Variants in DEFB119 observed in about 807,000 individuals in gnomAD.
The protein encoded by DEFB119 is beta-defensin 119.
Under a neutral mutation model 2.5 loss-of-function variants are expected in DEFB119, and 3 were observed. The ratio of observed to expected loss-of-function variants is 1.19; its 90% CI spans 0.54 to 3.07. The LOEUF (loss-of-function observed/expected upper bound fraction) is 3.07. DEFB119 is among the 30% of genes most tolerant of loss of function. The pLI is 0.03. For synonymous variants in DEFB119, 29 were observed against 33.7 expected, an observed-to-expected ratio of 0.86 and a Z score of 0.48; for missense variants, 113 against 101.1, an observed-to-expected ratio of 1.12 and a Z score of -0.50.
At position 31,385,351 on chromosome 20, in the gene DEFB119, G is replaced by T. The variant is rs1427162854; in HGVS notation, c.61+5072C>A. Among the ~76,000 whole-genome samples, 6 of 40,578 alleles carry T rather than the reference G, an allele frequency of 1.5e-4. No homozygotes were observed. The South Asian group carries it at 4.9e-3, about 33-fold the overall frequency. 26.6% of individuals were successfully genotyped at this position (40,578 alleles called of 152,430 possible). ...AGTTTAGTACCTACTTTGTATCAAA[G>T]AAACAAGACAAATAACAAAAGACAA... On this transcript the variant is annotated intron_variant, in intron 1 of 1. Coordinates refer to ENST00000376321, the MANE Select transcript of DEFB119 (RefSeq NM_153289.4).
intron 1 of DEFB119, chr20:31,389,007 C>T: frequency 6.2e-7 from 1 of 1,612,676 alleles, no homozygotes; most frequent in East Asian, 2.2e-5. Context: ...CCCTAAGCAA[C>T]CTGAAACAAA....
chr20:31,383,552 A>C (rs968792183), intron 1 of DEFB119, among the ~76,000 whole-genome samples: 10 of 144,760 alleles, frequency 6.9e-5, no homozygotes, highest in Non-Finnish European at 1.4e-4. Flanking sequence ...AAAAAAAAAA[A>C]AGGCCAGGTG....
chr20:31,387,108 A>G (rs765352549), intron 1 of DEFB119, among the ~76,000 whole-genome samples: 4 of 152,024 alleles, frequency 2.6e-5, no homozygotes, highest in Admixed American at 6.6e-5. Flanking sequence ...CACCCAGCCT[A>G]TTGTGTATTT....
intron 1 of DEFB119, among the ~76,000 whole-genome samples, chr20:31,387,077 G>T (rs1407594884): frequency 1.3e-5 from 2 of 152,066 alleles, no homozygotes; most frequent in African/African-American, 4.8e-5. Flanking sequence ...AAAGTGCTGG[G>T]ATTACGGGGG....
At chr20:31,380,678 A>G (rs894078804) in intron 1 of DEFB119, among the ~76,000 whole-genome samples, 28 of 152,074 alleles carry the variant, frequency 1.8e-4, no homozygotes, top group African/African-American at 6.5e-4. Context: ...TGTGTCGAAA[A>G]GGACCTTTCT....
chr20:31,381,603 A>C (rs887569205), intron 1 of DEFB119, among the ~76,000 whole-genome samples: 3 of 152,252 alleles, frequency 2.0e-5, no homozygotes, highest in African/African-American at 7.2e-5. Flanking sequence ...ACTTGAGCTC[A>C]GGAGTTCGAG....
chr20:31,384,076 G>A (rs1053343530), intron 1 of DEFB119, among the ~76,000 whole-genome samples: 1 of 152,154 alleles, frequency 6.6e-6, no homozygotes, highest in East Asian at 1.9e-4. Flanking sequence ...TATGAAAATG[G>A]ACTAATACAA....
chr20:31,383,178 G>A (rs1986562740), intron 1 of DEFB119, among the ~76,000 whole-genome samples: 1 of 152,174 alleles, frequency 6.6e-6, no homozygotes. Flanking sequence ...TATCATGGGA[G>A]GGACCCAGTG....
intron 1 of DEFB119, chr20:31,389,281 G>A (rs752655919): frequency 3.7e-6 from 6 of 1,610,202 alleles, no homozygotes; most frequent in Non-Finnish European, 4.2e-6. Flanking sequence ...CCCTCAAGCG[G>A]AGAGAAAAGA....
intron 1 of DEFB119, among the ~76,000 whole-genome samples, chr20:31,384,036 T>C (rs1986601269): frequency 6.6e-6 from 1 of 152,150 alleles, no homozygotes; most frequent in Non-Finnish European, 1.5e-5. Flanking sequence ...CTTCATAAAT[T>C]ACCCAGTCTT....
At chr20:31,385,804 AG>A (rs1293127355) in intron 1 of DEFB119, among the ~76,000 whole-genome samples, 4 of 152,060 alleles carry the variant, frequency 2.6e-5, no homozygotes, top group Non-Finnish European at 4.4e-5. Flanking sequence ...TGGGAGGGTT[AG>A]GCTACAGTGA....
chr20:31,377,455 A>T lies in DEFB119; in HGVS notation c.62-16T>A, dbSNP rs1330358435. The T allele has an allele frequency of 6.2e-7, 1 of 1,607,396 alleles. No individual in the cohort carries two copies. The highest frequency in any genetic ancestry group is 1.3e-5 in the African/African-American group (1 of 74,596). On this transcript the variant is annotated splice_polypyrimidine_tract_variant and intron_variant, in intron 1 of 1. Transcript: ENST00000376321. ...TGGCGTTTGCCTGCCAAAGGAAAAA[A>T]AATACAAATAGTTAATTCACCTAGG...
chr20:31,390,339 C>A, intron 1 of DEFB119, 84 bp downstream of exon 1: 1 of 1,294,104 alleles, frequency 7.7e-7, no homozygotes, highest in Non-Finnish European at 1.1e-6. Context: ...GGAAAGGCTT[C>A]AGATGATGCC....
Position 31,385,148 on chromosome 20 carries a change from A to G in DEFB119, c.61+5275T>C, listed in dbSNP as rs77742110. On this transcript the variant is annotated intron_variant, in intron 1 of 1. Coordinates refer to ENST00000376321, the MANE Select transcript of DEFB119 (RefSeq NM_153289.4). ...ATTCTGCTAGATGGAGAGTGAAGAAAGTCTAAAAGAGGCAAGGAATGATAT... is the reference window on the plus strand; with the variant it reads ...ATTCTGCTAGATGGAGAGTGAAGAAGGTCTAAAAGAGGCAAGGAATGATAT... 5.8e-3 allele frequency among the ~76,000 whole-genome samples: 880 copies of G among 152,304 alleles called. 4 individuals carry two copies. Among genetic ancestry groups the G allele is most frequent in the South Asian group, 0.016 (78 of 4,816 alleles).
chr20:31,377,529 G>A (rs1037337620), intron 1 of DEFB119, 90 bp from the exon 2 acceptor site: 10 of 1,386,148 alleles, frequency 7.2e-6, no homozygotes, highest in Non-Finnish European at 9.8e-6. Flanking sequence ...ACCTAAAGGG[G>A]GAGCAGGGAG....
intron 1 of DEFB119, among the ~76,000 whole-genome samples, chr20:31,383,005 T>G (rs1317148952): frequency 6.6e-6 from 1 of 152,214 alleles, no homozygotes; most frequent in African/African-American, 2.4e-5. Flanking sequence ...AAATTCTCCA[T>G]AGCCTTTAAA....
At chr20:31,388,979 G>T in intron 1 of DEFB119, 6 of 1,603,516 alleles carry the variant, frequency 3.7e-6, no homozygotes, top group Non-Finnish European at 5.1e-6. Flanking sequence ...AAATTTGTGA[G>T]TTTTAATGAA....
rs911554025 is a variant in DEFB119, at chr20:31,389,354, C to T, written c.61+1069G>A. The T allele has an allele frequency of 6.8e-6, 8 of 1,170,106 alleles. No homozygotes were observed. The East Asian group carries it at 1.9e-4, about 28-fold the overall frequency. 72.5% of individuals were successfully genotyped at this position (1,170,106 alleles called of 1,614,324 possible). A position where few individuals can be genotyped will look rare whatever the true frequency, so the allele number is the denominator to read the frequency against. ...AAGAAAGCCAGCTGAGTGAGTAATG[C>T]CAGACCCAGTCCCAGGAAAAGAGAG... On this transcript the variant is annotated intron_variant, in intron 1 of 1. Transcript: ENST00000376321.
chr20:31,390,102 T>G (rs917535671), intron 1 of DEFB119, among the ~76,000 whole-genome samples: 2 of 151,652 alleles, frequency 1.3e-5, no homozygotes, highest in Non-Finnish European at 2.9e-5. Flanking sequence ...ACATCACAAC[T>G]CACCCCAGCT....
Sources: allele counts gnomAD v4.1 joint callset (sites outside exome capture counted in the v4.1 genomes callset), GRCh38; gene constraint gnomAD v4.1.1; transcripts MANE v1.5; gene names NCBI Gene and HGNC (gene_info 2026-07-23, HGNC 2026-07-21).